Variants in SHROOM3 observed in about 807,000 individuals in gnomAD.
SHROOM3 encodes the protein protein Shroom3.
Under a neutral mutation model 138.6 loss-of-function variants are expected in SHROOM3, and 47 were observed. That is an observed-to-expected ratio of 0.34 (90% CI 0.27 to 0.43). The LOEUF is 0.43. Among genes scored for constraint, SHROOM3 ranks in the 20% least tolerant of loss-of-function variants. SHROOM3 has a pLI of 1.00. For synonymous variants in SHROOM3, 1,062 were observed against 1,063.3 expected, an observed-to-expected ratio of 1.00 and a Z score of 0.02; for missense variants, 2,491 against 2,596.5, an observed-to-expected ratio of 0.96 and a Z score of 0.88.
rs538424496 is a variant in SHROOM3 at position 76,766,645 on chromosome 4, G to C, written c.5350-3981G>C. 1.8e-4 allele frequency among the ~76,000 whole-genome samples: 27 copies of C among 152,280 alleles called. No homozygotes were observed. The South Asian group carries it at 3.7e-3, about 21-fold the overall frequency. On this transcript the variant is annotated intron_variant, in intron 9 of 10. Coordinates refer to ENST00000296043, the MANE Select transcript of SHROOM3 (RefSeq NM_020859.4). ...GAGTTATTCTGGTAGACATTGGTAGGTTTTTTGGAAGAGATCTGCCTGGCA... is the reference window on the plus strand; with the variant it reads ...GAGTTATTCTGGTAGACATTGGTAGCTTTTTTGGAAGAGATCTGCCTGGCA...
intron 9 of SHROOM3, among the ~76,000 whole-genome samples, chr4:76,766,241 ATAAT>A (rs1722152537): frequency 1.3e-5 from 2 of 152,274 alleles, no homozygotes; most frequent in African/African-American, 2.4e-5. Context: ...AAAGAGCTGA[ATAAT>A]TAATTAGACA....
chr4:76,512,274 C>T (rs982897015), intron 1 of SHROOM3, among the ~76,000 whole-genome samples: 72 of 152,188 alleles, frequency 4.7e-4, no homozygotes, highest in African/African-American at 1.7e-3. Context: ...ACCTTGCAAC[C>T]CCTACAATGG....
At chr4:76,486,098 G>A (rs1579187244) in intron 1 of SHROOM3, among the ~76,000 whole-genome samples, 1 of 152,146 alleles carries the variant, frequency 6.6e-6, no homozygotes, top group South Asian at 2.1e-4. Flanking sequence ...AGTGCGTGCT[G>A]CCATTTGCTT....
intron 1 of SHROOM3, among the ~76,000 whole-genome samples, chr4:76,497,236 C>T (rs960528107): frequency 6.6e-6 from 1 of 152,214 alleles, no homozygotes. Context: ...TTAATCCCAA[C>T]AGTATGTCTG....
intron 2 of SHROOM3, among the ~76,000 whole-genome samples, chr4:76,661,229 A>ATTTTTTTTTTTTT (rs1211557724): frequency 1.4e-5 from 2 of 147,242 alleles, no homozygotes; most frequent in African/African-American, 5.0e-5. Context: ...ACTATAATCC[A>ATTTTTTTTTTTTT]TTTTCTTTTT....
chr4:76,757,623 G>A (rs898396720), intron 8 of SHROOM3, among the ~76,000 whole-genome samples: 4 of 152,202 alleles, frequency 2.6e-5, no homozygotes, highest in African/African-American at 7.2e-5. Context: ...GGGTGTTGGC[G>A]CAAATCCTGA....
At chr4:76,776,991 T>A (rs1722590852) in intron 10 of SHROOM3, among the ~76,000 whole-genome samples, 1 of 152,232 alleles carries the variant, frequency 6.6e-6, no homozygotes. Context: ...GCTGTTTTGG[T>A]GACTGTGGCC....
chr4:76,768,269 T>G (rs756070374), intron 9 of SHROOM3, among the ~76,000 whole-genome samples: 1 of 152,220 alleles, frequency 6.6e-6, no homozygotes, highest in African/African-American at 2.4e-5. Context: ...TGCATTCCAG[T>G]GTCCTTGCCA....
chr4:76,484,444 A>G (rs569845351), intron 1 of SHROOM3, among the ~76,000 whole-genome samples: 42 of 151,856 alleles, frequency 2.8e-4, no homozygotes, highest in Non-Finnish European at 4.7e-4. Flanking sequence ...GGTGTCTCAC[A>G]CCTGTAGTCC....
At chr4:76,746,964 C>T (rs888418659) in intron 5 of SHROOM3, among the ~76,000 whole-genome samples, 71 of 151,902 alleles carry the variant, frequency 4.7e-4, no homozygotes, top group Non-Finnish European at 2.9e-4. Flanking sequence ...CTACAGGCGC[C>T]CGCCACCAGG....
Position 76,717,188 on chromosome 4 carries a change from TGAG to T in SHROOM3, c.455+6905_455+6907del, listed in dbSNP as rs1320295715. On this transcript the variant is annotated intron_variant, in intron 3 of 10. Transcript: ENST00000296043. The stretch of plus-strand genomic sequence containing the variant: ...ACTCTCTTCTTTCTTGCATGGTTTC[TGAG>T]GAGAAGTCAGATGTAATTCTCATCT... 3.3e-5 allele frequency among the ~76,000 whole-genome samples: 5 copies of T among 152,352 alleles called. No individual in the cohort carries two copies. The East Asian group carries it at 5.8e-4, about 18-fold the overall frequency.
intron 1 of SHROOM3, among the ~76,000 whole-genome samples, chr4:76,552,019 G>T (rs550570562): frequency 1.9e-5 from 2 of 106,516 alleles, no homozygotes; most frequent in Non-Finnish European, 3.8e-5. Flanking sequence ...CCGCCATCAC[G>T]CCCGGCTAAT....
chr4:76,441,942 A>G lies in SHROOM3; in HGVS notation c.168+5722A>G, dbSNP rs149524609. Among the ~76,000 whole-genome samples the G allele has an allele frequency of 5.9e-3, 904 of 152,116 alleles. 16 individuals carry two copies. The highest frequency in any genetic ancestry group is 0.021 in the African/African-American group (856 of 41,496). ...TCTCTATGTTGGTGAGGCTGGTCTC[A>G]AGCTCCCAACCTCGAGTGATGTACC... On this transcript the variant is annotated intron_variant, in intron 1 of 10. Transcript: ENST00000296043.
At chr4:76,688,852 C>A (rs1719411832) in intron 2 of SHROOM3, 2 of 985,036 alleles carry the variant, frequency 2.0e-6, no homozygotes, top group Admixed American at 6.2e-5. Context: ...AAAACAGGCC[C>A]GGAAGGAAGG....
intron 1 of SHROOM3, among the ~76,000 whole-genome samples, chr4:76,547,561 C>T (rs1356179388): frequency 2.0e-5 from 3 of 152,122 alleles, no homozygotes; most frequent in Admixed American, 1.3e-4. Flanking sequence ...GTAAACAAGA[C>T]AGACACAAAT....
chr4:76,454,859 C>A (rs1302281059), intron 1 of SHROOM3, among the ~76,000 whole-genome samples: 1 of 152,078 alleles, frequency 6.6e-6, no homozygotes, highest in African/African-American at 2.4e-5. Context: ...TTCATGCATG[C>A]TTTTTGCCTC....
intron 2 of SHROOM3, among the ~76,000 whole-genome samples, chr4:76,617,457 C>A (rs1235387065): frequency 6.6e-6 from 1 of 152,182 alleles, no homozygotes; most frequent in African/African-American, 2.4e-5. Context: ...GAATATTTTT[C>A]TGTCCCAGTG....
intron 2 of SHROOM3, among the ~76,000 whole-genome samples, chr4:76,566,647 T>C (rs1174079781): frequency 6.6e-6 from 1 of 152,238 alleles, no homozygotes; most frequent in African/African-American, 2.4e-5. Flanking sequence ...AAGTGTCCCA[T>C]GAAGGTCCTG....
At chr4:76,725,890 T>C (rs1026420781) in intron 3 of SHROOM3, among the ~76,000 whole-genome samples, 1 of 152,172 alleles carries the variant, frequency 6.6e-6, no homozygotes, top group African/African-American at 2.4e-5. Flanking sequence ...CTCTCTGCCT[T>C]ATAGACACTT....
Sources: gnomAD v4.1 joint callset for allele counts (sites outside exome capture counted in the v4.1 genomes callset) on GRCh38, gnomAD v4.1.1 for gene constraint, MANE v1.5 for transcripts, NCBI Gene and HGNC (gene_info 2026-07-23, HGNC 2026-07-21) for gene names.